THEMIS: variants seen among roughly 807,000 people sequenced by gnomAD.
THEMIS encodes protein THEMIS.
In THEMIS, 37 loss-of-function variants were observed where a neutral mutation model predicts 52.6. The observed-to-expected ratio is 0.70, with a 90% CI of 0.54 to 0.93. THEMIS has a LOEUF of 0.93. Ranked by LOEUF, THEMIS falls within the 40% of genes least tolerant of loss-of-function variation. The probability of loss-of-function intolerance (pLI) is 0.00; values close to 1 mark genes in which losing one functional copy is unlikely to be tolerated. For missense variants in THEMIS, 808 were observed against 763.1 expected (o/e 1.06, Z -0.69); for synonymous variants, 292 against 272.7 (o/e 1.07, Z -0.70).
rs77527809 is a variant in THEMIS at position 127,771,873 on chromosome 6, C to A, written c.1758+41010G>T. 2.6e-3 allele frequency among the ~76,000 whole-genome samples: 389 copies of A among 152,164 alleles called. 1 individual carries two copies. Among genetic ancestry groups the A allele is most frequent in the African/African-American group, 9.1e-3 (378 of 41,536 alleles). Reference sequence around the variant, plus strand: ...TTCCTTCCCCAAGGGTTACTGCAATCAGTATGGCACATGTGCATCACACCA... The same window carrying A: ...TTCCTTCCCCAAGGGTTACTGCAATAAGTATGGCACATGTGCATCACACCA... On this transcript the variant is annotated intron_variant, in intron 4 of 5. Coordinates refer to ENST00000368248, the MANE Select transcript of THEMIS (RefSeq NM_001010923.3).
intron 4 of THEMIS, among the ~76,000 whole-genome samples, chr6:127,778,687 A>T (rs1776643805): frequency 6.6e-6 from 1 of 152,222 alleles, no homozygotes; most frequent in African/African-American, 2.4e-5. Context: ...ATTAAAAGGA[A>T]GTTCCCAGGG....
intron 4 of THEMIS, among the ~76,000 whole-genome samples, chr6:127,738,010 G>A (rs1261695262): frequency 6.6e-6 from 1 of 151,988 alleles, no homozygotes; most frequent in Non-Finnish European, 1.5e-5. Context: ...ATCTGGAGTG[G>A]GCCTCTATCC....
At chr6:127,756,045 C>CA (rs144685357) in intron 4 of THEMIS, among the ~76,000 whole-genome samples, 100 of 151,378 alleles carry the variant, frequency 6.6e-4, no homozygotes, top group African/African-American at 2.2e-3. Context: ...ACACAAAAAA[C>CA]AAAAAACAAA....
chr6:127,785,477 T>TA (rs1776915499), intron 4 of THEMIS, among the ~76,000 whole-genome samples: 2 of 144,828 alleles, frequency 1.4e-5, no homozygotes, highest in Admixed American at 1.4e-4. Flanking sequence ...ATAATAAAAT[T>TA]TAAAAAAAAA....
chr6:127,908,856 A>T (rs1233343767), intron 1 of THEMIS, among the ~76,000 whole-genome samples: 1 of 151,968 alleles, frequency 6.6e-6, no homozygotes, highest in East Asian at 1.9e-4. Flanking sequence ...AAACTCAAAG[A>T]TGCCATTTGC....
intron 4 of THEMIS, among the ~76,000 whole-genome samples, chr6:127,746,367 T>C (rs1479128141): frequency 2.0e-5 from 3 of 151,738 alleles, no homozygotes; most frequent in Admixed American, 6.6e-5. Context: ...TAGGAAACTA[T>C]TAGCAATCTG....
At chr6:127,824,958 C>G (rs749328331) in intron 3 of THEMIS, among the ~76,000 whole-genome samples, 1 of 137,032 alleles carries the variant, frequency 7.3e-6, no homozygotes, top group African/African-American at 2.7e-5. Context: ...ACAAACAAAA[C>G]TAACTGAAAT....
At chr6:127,818,748 A>G (rs1190658271) in intron 3 of THEMIS, among the ~76,000 whole-genome samples, 1 of 152,162 alleles carries the variant, frequency 6.6e-6, no homozygotes, top group Non-Finnish European at 1.5e-5. Flanking sequence ...GAAAAAGGGG[A>G]CAACATGTAG....
intron 5 of THEMIS, among the ~76,000 whole-genome samples, chr6:127,716,938 T>C (rs930088865): frequency 6.6e-6 from 1 of 151,880 alleles, no homozygotes; most frequent in Non-Finnish European, 1.5e-5. Flanking sequence ...ACCCCCTCCA[T>C]GTTCATAGCA....
At position 127,708,261 on chromosome 6, in the gene THEMIS, T is replaced by C. The variant is rs937275483; in HGVS notation, c.*1724A>G. The C allele has an allele frequency of 1.3e-5, 2 of 152,102 alleles. No individual in the cohort carries two copies. The highest frequency in any genetic ancestry group is 6.6e-5 in the Admixed American group (1 of 15,262). 9.4% of individuals were successfully genotyped at this position (152,102 alleles called of 1,614,324 possible). On this transcript the variant is annotated 3_prime_UTR_variant, in exon 6 of 6. Transcript: ENST00000368248. Reference sequence around the variant, plus strand: ...CTCCAATAGGTGAGCATGAAGTTTATTACACTTTTCAATATCAAGACAACT... The same window carrying C: ...CTCCAATAGGTGAGCATGAAGTTTACTACACTTTTCAATATCAAGACAACT...
In THEMIS at chr6:127,726,957, T is replaced by C. The variant is rs188698744; in HGVS notation, c.1759-7134A>G. Among the ~76,000 whole-genome samples the C allele has an allele frequency of 7.9e-5, 12 of 152,298 alleles. No homozygotes were observed. The East Asian group carries it at 2.3e-3, about 29-fold the overall frequency. On this transcript the variant is annotated intron_variant, in intron 4 of 5. Transcript: ENST00000368248. ...AGACAGCTAATCTGTACAATTATTATTCTTAATAATTGCATTTTAAGGAGA... is the reference window on the plus strand; with the variant it reads ...AGACAGCTAATCTGTACAATTATTACTCTTAATAATTGCATTTTAAGGAGA...
intron 1 of THEMIS, among the ~76,000 whole-genome samples, chr6:127,913,285 A>G (rs1420266376): frequency 6.6e-6 from 1 of 152,144 alleles, no homozygotes; most frequent in East Asian, 1.9e-4. Context: ...TCTAATCTTT[A>G]TATTATTTTC....
chr6:127,697,425 A>G, the THEMIS span, among the ~76,000 whole-genome samples: 16 of 152,138 alleles, frequency 1.1e-4, no homozygotes, highest in Non-Finnish European at 2.4e-4. Context: ...TTCCTCACGT[A>G]TATTGTACCC....
intron 1 of THEMIS, among the ~76,000 whole-genome samples, chr6:127,913,589 T>C (rs1188803543): frequency 6.6e-6 from 1 of 152,220 alleles, no homozygotes; most frequent in Non-Finnish European, 1.5e-5. Context: ...GATGACAGAA[T>C]AGAATCATGA....
intron 4 of THEMIS, among the ~76,000 whole-genome samples, chr6:127,810,775 C>T (rs545311972): frequency 6.6e-6 from 1 of 152,058 alleles, no homozygotes; most frequent in African/African-American, 2.4e-5. Context: ...CCAATCAAGG[C>T]CCTTTCATTT....
At chr6:127,854,092 G>A (rs1779520255) in intron 2 of THEMIS, among the ~76,000 whole-genome samples, 1 of 151,780 alleles carries the variant, frequency 6.6e-6, no homozygotes, top group Non-Finnish European at 1.5e-5. Flanking sequence ...CTCTGTGCCA[G>A]AAATTGTGCT....
intron 4 of THEMIS, among the ~76,000 whole-genome samples, chr6:127,747,327 CT>C (rs200690846): frequency 0.27 from 38,232 of 140,934 alleles, 6,516 homozygotes; most frequent in Non-Finnish European, 0.39. Context: ...ATATCTATAT[CT>C]ATATAATATA....
the THEMIS span, among the ~76,000 whole-genome samples, chr6:127,697,456 T>A: frequency 6.6e-6 from 1 of 152,170 alleles, no homozygotes; most frequent in Non-Finnish European, 1.5e-5. Context: ...GGCATAACAG[T>A]TCTAGGAAAA....
At position 127,900,887 on chromosome 6, in the gene THEMIS, T is replaced by C. The variant is rs1412259939; in HGVS notation, c.46A>G (p.Thr16Ala). 1.2e-6 allele frequency: 2 copies of C among 1,613,174 alleles called. No homozygotes were observed. The highest frequency in any genetic ancestry group is 1.7e-6 in the Non-Finnish European group (2 of 1,179,434). Residue 16 changes from threonine (T) to alanine (A), a missense_variant, in exon 1 of 6, where the codon ACC becomes GCC. Thr to Ala is a moderately conservative substitution (Grantham distance 58). Coordinates refer to ENST00000368248, the MANE Select transcript of THEMIS (RefSeq NM_001010923.3). Reference protein sequence around the residue: ...EEFVHSLDLRTLPRVLEIQAG... With the variant: ...EEFVHSLDLRALPRVLEIQAG... Reference sequence around the variant, plus strand: ...TGGATTTCTAGAACCCTGGGTAGGGTCCTGAGGTCAAGGGAGTGGACGAAT... The same window carrying C: ...TGGATTTCTAGAACCCTGGGTAGGGCCCTGAGGTCAAGGGAGTGGACGAAT...
Sources: allele counts gnomAD v4.1 joint callset (sites outside exome capture counted in the v4.1 genomes callset), GRCh38; gene constraint gnomAD v4.1.1; transcripts MANE v1.5; gene names NCBI Gene and HGNC (gene_info 2026-07-23, HGNC 2026-07-21).